Variants in EXOC3L2 observed in about 807,000 individuals in gnomAD.
EXOC3L2 encodes the protein exocyst complex component 3-like protein 2.
Under a neutral mutation model 44.4 loss-of-function variants are expected in EXOC3L2, and 17 were observed. The ratio of observed to expected loss-of-function variants is 0.38; its 90% CI spans 0.26 to 0.57. The LOEUF (loss-of-function observed/expected upper bound fraction) is 0.57, where lower values mean the gene tolerates loss of function less well. Ranked by LOEUF, EXOC3L2 falls within the 20% of genes least tolerant of loss-of-function variation. The pLI, the probability that EXOC3L2 is intolerant of heterozygous loss-of-function variation, is 0.65. For missense variants in EXOC3L2, 541 were observed against 588.4 expected (o/e 0.92, Z 0.83); for synonymous variants, 256 against 253.7 (o/e 1.01, Z -0.09).
intron 8 of EXOC3L2, among the ~76,000 whole-genome samples, chr19:45,221,131 CTAATTCCCTCT>C (rs1311764938): frequency 6.6e-6 from 1 of 151,934 alleles, no homozygotes; most frequent in Non-Finnish European, 1.5e-5. Flanking sequence ...GGGAGGGCGT[CTAATTCCCTCT>C]TCAGCTCAGC....
At chr19:45,225,043 G>C in intron 7 of EXOC3L2, 130 bp from the exon 8 acceptor site, 1 of 1,223,442 alleles carries the variant, frequency 8.2e-7, no homozygotes, top group African/African-American at 1.6e-5. Flanking sequence ...AGAAAGGTCA[G>C]GGACTCTGGA....
intron 8 of EXOC3L2, among the ~76,000 whole-genome samples, chr19:45,218,965 G>A (rs1469549499): frequency 6.6e-6 from 1 of 152,034 alleles, no homozygotes; most frequent in Non-Finnish European, 1.5e-5. Context: ...GGGACTGCGC[G>A]CAGTGGCTCA....
At chr19:45,218,361 A>G in intron 8 of EXOC3L2, 42 bp from the exon 9 acceptor site, 1 of 901,882 alleles carries the variant, frequency 1.1e-6, no homozygotes, top group Non-Finnish European at 1.5e-6. Context: ...CCTCCCTCCC[A>G]CCCTCCCTCT....
intron 10 of EXOC3L2, chr19:45,217,006 G>C (rs1199378978): frequency 6.6e-6 from 1 of 151,830 alleles, no homozygotes; most frequent in African/African-American, 2.4e-5. Context: ...TAGTTTCTCT[G>C]TACGTTCATG....
At chr19:45,233,426 A>G (rs1193157966) in intron 3 of EXOC3L2, among the ~76,000 whole-genome samples, 1 of 152,200 alleles carries the variant, frequency 6.6e-6, no homozygotes, top group African/African-American at 2.4e-5. Context: ...AAAGCAGTGT[A>G]GGATTCTAGA....
At chr19:45,228,887 C>T (rs371798654) in intron 4 of EXOC3L2, among the ~76,000 whole-genome samples, 2 of 150,032 alleles carry the variant, frequency 1.3e-5, no homozygotes, top group African/African-American at 2.5e-5. Flanking sequence ...CTGGCTAACA[C>T]GGTGAAACCC....
chr19:45,237,564 G>T (rs1442460518), intron 2 of EXOC3L2, among the ~76,000 whole-genome samples: 1 of 152,176 alleles, frequency 6.6e-6, no homozygotes, highest in African/African-American at 2.4e-5. Context: ...ATACGGATGT[G>T]TCTCAGATAG....
chr19:45,239,613 C>T lies in EXOC3L2; in HGVS notation c.-16-552G>A, dbSNP rs375596624. 7.0e-4 allele frequency among the ~76,000 whole-genome samples: 106 copies of T among 151,480 alleles called. 2 individuals are homozygous for T. In the East Asian group the frequency reaches 0.019, roughly 27 times the overall value. On this transcript the variant is annotated intron_variant, in intron 1 of 11. Coordinates refer to ENST00000413988, the MANE Select transcript of EXOC3L2 (RefSeq NM_001382422.1). ...TCGGCTCACTGCAACCTCCGCCTCC[C>T]AGGTTCAAGCAAGTCTCCTGCCTCA...
chr19:45,217,833 C>T, intron 9 of EXOC3L2, 150 bp from the exon 10 acceptor site: 3 of 984,308 alleles, frequency 3.0e-6, no homozygotes, highest in South Asian at 2.0e-5. Flanking sequence ...CAGTCCCCAG[C>T]CCCTGAGCTA....
Position 45,238,883 on chromosome 19 carries a change from G to T in EXOC3L2, c.163C>A (p.Arg55Ser). 2.5e-6 allele frequency: 1 copy of T among 399,170 alleles called. No individual in the cohort carries two copies. The highest frequency in any genetic ancestry group is 4.4e-6 in the Non-Finnish European group (1 of 226,168). The allele number at this position is 399,170 out of a possible 1,614,324, so 24.7% of individuals were successfully genotyped here. Reference protein sequence around the residue: ...SLPNGTSCRRRATLEKLAGLA... With the variant: ...SLPNGTSCRRSATLEKLAGLA... ...CCCGCAAGCTTCTCCAGGGTGGCGC[G>T]GCGGCGACAAGATGTTCCATTGGGG... The change falls in exon 2 of 12, where the codon CGC becomes AGC. Residue 55 changes from arginine to serine, a missense_variant. Transcript: ENST00000413988. The surrounding 1 kb of genome is among the most constrained non-coding windows in gnomAD (Gnocchi z 5.5).
At chr19:45,240,196 C>G (rs1474850728) in intron 1 of EXOC3L2, among the ~76,000 whole-genome samples, 1 of 151,126 alleles carries the variant, frequency 6.6e-6, no homozygotes, top group Admixed American at 6.6e-5. Flanking sequence ...CCTGAAACTC[C>G]TGGGCTCAAA....
chr19:45,223,671 C>T (rs982466718), intron 8 of EXOC3L2, among the ~76,000 whole-genome samples: 2 of 150,224 alleles, frequency 1.3e-5, no homozygotes, highest in South Asian at 2.1e-4. Context: ...GGGCAATCAG[C>T]GAAGGTCGCA....
chr19:45,242,588 G>A (rs1399575075), intron 1 of EXOC3L2, among the ~76,000 whole-genome samples: 1 of 151,940 alleles, frequency 6.6e-6, no homozygotes, highest in Non-Finnish European at 1.5e-5. Context: ...CAAGCCAGGC[G>A]CAGTGGCTCA....
At chr19:45,221,209 TGG>T (rs1434212753) in intron 8 of EXOC3L2, among the ~76,000 whole-genome samples, 1,486 of 121,898 alleles carry the variant, frequency 0.012, 25 homozygotes, top group African/African-American at 0.042. Flanking sequence ...TGTTTTTTTG[TGG>T]TTTTTTTTTT....
Position 45,231,810 on chromosome 19 carries a change from G to A in EXOC3L2, c.1222C>T (p.Pro408Ser). 2 of 1,611,006 alleles carry A rather than the reference G, an allele frequency of 1.2e-6. No individual in the cohort carries two copies. Among genetic ancestry groups the A allele is most frequent in the African/African-American group, 1.3e-5 (1 of 75,006 alleles). Residue 408 changes from proline (P) to serine (S), a missense_variant, in exon 4 of 12, where the codon CCT becomes TCT. Physicochemically the swap from Pro to Ser is moderately conservative, Grantham distance 74. Coordinates refer to ENST00000413988, the MANE Select transcript of EXOC3L2 (RefSeq NM_001382422.1). ...ENGELGPLLSPGTLRGLEDEC... is the reference protein window; with the variant it reads ...ENGELGPLLSSGTLRGLEDEC... ...TCCTCCAAACCCCGCAGGGTGCCAGGGGAGAGAAGGGGCCCCAGCTCCCCA... is the reference window on the plus strand; with the variant it reads ...TCCTCCAAACCCCGCAGGGTGCCAGAGGAGAGAAGGGGCCCCAGCTCCCCA...
In EXOC3L2 at chr19:45,234,898, T is replaced by A. The variant is rs992723917; in HGVS notation, c.524-72A>T. ...GCGATGCCGGACGCGGGGTTGGGGG[T>A]GCTTAGGAAGGGGAGAGAGATGAGG... On this transcript the variant is annotated intron_variant, in intron 2 of 11. Transcript: ENST00000413988. The surrounding 1 kb of genome is among the most constrained non-coding windows in gnomAD (Gnocchi z 5.0). 1 of 375,882 alleles carries A rather than the reference T, an allele frequency of 2.7e-6. No individual in the cohort carries two copies. Among genetic ancestry groups the A allele is most frequent in the African/African-American group, 2.2e-5 (1 of 45,670 alleles). The allele number at this position is 375,882 out of a possible 1,614,324, so 23.3% of individuals were successfully genotyped here. A position where few individuals can be genotyped will look rare whatever the true frequency, so the allele number is the denominator to read the frequency against.
chr19:45,242,332 A>T (rs1970137371), intron 1 of EXOC3L2, among the ~76,000 whole-genome samples: 1 of 152,082 alleles, frequency 6.6e-6, no homozygotes, highest in Admixed American at 6.5e-5. Flanking sequence ...AGGCGTGATC[A>T]TGGCTGGCTG....
At position 45,229,395 on chromosome 19, in the gene EXOC3L2, TATA is replaced by T. The variant is rs567252914; in HGVS notation, c.1270-1132_1270-1130del. On this transcript the variant is annotated intron_variant, in intron 4 of 11. Coordinates refer to ENST00000413988, the MANE Select transcript of EXOC3L2 (RefSeq NM_001382422.1). ...ATATATTAAATATTAGTATAAGCTA[TATA>T]ATGTGTATATTAATAATTCATAATA... Among the ~76,000 whole-genome samples, 904 of 146,060 alleles carry T rather than the reference TATA, an allele frequency of 6.2e-3. 8 individuals carry two copies. Among genetic ancestry groups the T allele is most frequent in the Non-Finnish European group, 0.011 (720 of 66,580 alleles).
chr19:45,226,244 GA>G (rs1969958739), intron 7 of EXOC3L2, among the ~76,000 whole-genome samples: 1 of 152,156 alleles, frequency 6.6e-6, no homozygotes, highest in African/African-American at 2.4e-5. Context: ...GATTTGGGCA[GA>G]AAGTGCTTGG....
Sources: allele counts gnomAD v4.1 joint callset (sites outside exome capture counted in the v4.1 genomes callset), GRCh38; gene constraint gnomAD v4.1.1; non-coding constraint Gnocchi (gnomAD v3.1); transcripts MANE v1.5; gene names NCBI Gene and HGNC (gene_info 2026-07-23, HGNC 2026-07-21).